Variants in ANKS1B observed in about 807,000 individuals in gnomAD.
ANKS1B encodes the protein ankyrin repeat and sterile alpha motif domain-containing protein 1B.
In ANKS1B, 36 loss-of-function variants were observed where a neutral mutation model predicts 148.3. The ratio of observed to expected loss-of-function variants is 0.24; its 90% CI spans 0.19 to 0.32. The LOEUF (loss-of-function observed/expected upper bound fraction) is 0.32, where lower values mean the gene tolerates loss of function less well. ANKS1B is among the 10% of genes least tolerant of loss of function. The pLI is 1.00. For synonymous variants in ANKS1B, 542 were observed against 560.8 expected, an observed-to-expected ratio of 0.97 and a Z score of 0.47; for missense variants, 1,157 against 1,542.6, an observed-to-expected ratio of 0.75 and a Z score of 4.19.
intron 15 of ANKS1B, among the ~76,000 whole-genome samples, chr12:99,131,246 T>A (rs1255435661): frequency 8.5e-5 from 13 of 152,230 alleles, no homozygotes; most frequent in Non-Finnish European, 7.3e-5. Context: ...CAATGAATTA[T>A]TATCTTGCAC....
chr12:99,333,035 G>C (rs2087903247), intron 12 of ANKS1B, among the ~76,000 whole-genome samples: 1 of 152,052 alleles, frequency 6.6e-6, no homozygotes, highest in Admixed American at 6.6e-5. Flanking sequence ...GCAATAACAA[G>C]ATCACGTTTG....
At chr12:99,387,435 G>C (rs148087722) in intron 12 of ANKS1B, among the ~76,000 whole-genome samples, 9 of 152,266 alleles carry the variant, frequency 5.9e-5, no homozygotes, top group South Asian at 2.1e-4. Flanking sequence ...GGCCAACATG[G>C]TGAAAGCCCA....
chr12:99,897,215 G>C (rs1165410211), intron 1 of ANKS1B, among the ~76,000 whole-genome samples: 1 of 151,098 alleles, frequency 6.6e-6, no homozygotes, highest in East Asian at 1.9e-4. Flanking sequence ...AATTGGCAGA[G>C]TAATAAAATC....
At chr12:99,977,479 CAAAT>C (rs2095643691) in intron 1 of ANKS1B, among the ~76,000 whole-genome samples, 1 of 152,172 alleles carries the variant, frequency 6.6e-6, no homozygotes, top group South Asian at 2.1e-4. Flanking sequence ...GTCACAATGA[CAAAT>C]AAATTTCAAC....
At chr12:99,368,689 T>C (rs1037862880) in intron 12 of ANKS1B, among the ~76,000 whole-genome samples, 2 of 151,984 alleles carry the variant, frequency 1.3e-5, no homozygotes, top group African/African-American at 4.8e-5. Context: ...AAATTCACAA[T>C]TTTACAGTGG....
At chr12:99,912,335 C>T (rs79440275) in intron 1 of ANKS1B, among the ~76,000 whole-genome samples, 1,600 of 148,950 alleles carry the variant, frequency 0.011, 22 homozygotes, top group African/African-American at 0.037. Flanking sequence ...CAAAGCACTA[C>T]CTAATGGTTT....
rs200785340 is a variant in ANKS1B, at chr12:98,957,300, A to AT, written c.2778+95856dup. Among the ~76,000 whole-genome samples, 220 of 148,914 alleles carry AT rather than the reference A, an allele frequency of 1.5e-3. 1 individual carries two copies. The highest frequency in any genetic ancestry group is 5.2e-3 in the African/African-American group (210 of 40,458). ...ATTCACACACAGTGGATGCTCCAGG[A>AT]TTTTTTTTAAATATTTATTTATTTA... On this transcript the variant is annotated intron_variant, in intron 17 of 26. Coordinates refer to ENST00000683438, the MANE Select transcript of ANKS1B (RefSeq NM_001352186.2).
At chr12:99,304,319 A>T (rs1036786404) in intron 12 of ANKS1B, among the ~76,000 whole-genome samples, 1 of 152,008 alleles carries the variant, frequency 6.6e-6, no homozygotes, top group South Asian at 2.1e-4. Context: ...CTTGCAGGAG[A>T]CTGTTTTAAA....
intron 9 of ANKS1B, among the ~76,000 whole-genome samples, chr12:99,646,233 G>A (rs780855029): frequency 7.2e-5 from 11 of 151,816 alleles, no homozygotes; most frequent in African/African-American, 4.8e-5. Flanking sequence ...CTTTAGGAAG[G>A]GCAGTAAAAA....
At chr12:99,646,975 T>C (rs920861392) in intron 9 of ANKS1B, among the ~76,000 whole-genome samples, 40 of 151,492 alleles carry the variant, frequency 2.6e-4, no homozygotes, top group African/African-American at 8.7e-4. Context: ...AAATTTATCA[T>C]GGCTATAGAA....
intron 12 of ANKS1B, among the ~76,000 whole-genome samples, chr12:99,394,039 C>T (rs1238506245): frequency 1.3e-5 from 2 of 152,192 alleles, no homozygotes; most frequent in Non-Finnish European, 2.9e-5. Context: ...ATTCTAAATG[C>T]ATGAACACAG....
At chr12:99,264,755 G>A (rs1175543009) in intron 12 of ANKS1B, among the ~76,000 whole-genome samples, 1 of 152,114 alleles carries the variant, frequency 6.6e-6, no homozygotes, top group African/African-American at 2.4e-5. Flanking sequence ...CCTGGGATGA[G>A]TTCTGTCAGG....
At chr12:99,494,716 G>A (rs1235694177) in intron 10 of ANKS1B, among the ~76,000 whole-genome samples, 1 of 125,492 alleles carries the variant, frequency 8.0e-6, no homozygotes. Flanking sequence ...CTAGGTGACA[G>A]AGGGACACTC....
intron 17 of ANKS1B, among the ~76,000 whole-genome samples, chr12:98,964,170 C>T (rs1051678941): frequency 2.0e-5 from 3 of 152,000 alleles, no homozygotes; most frequent in Non-Finnish European, 4.4e-5. Context: ...AAAAGACATA[C>T]AAATGACCAA....
intron 15 of ANKS1B, among the ~76,000 whole-genome samples, chr12:99,142,708 G>GT (rs2071386151): frequency 6.6e-6 from 1 of 152,072 alleles, no homozygotes; most frequent in East Asian, 1.9e-4. Context: ...TTAATTACCA[G>GT]GAAGTCAATG....
chr12:99,304,482 T>C (rs957155385), intron 12 of ANKS1B, among the ~76,000 whole-genome samples: 4 of 152,152 alleles, frequency 2.6e-5, no homozygotes, highest in African/African-American at 9.7e-5. Flanking sequence ...TCTACCGTTT[T>C]CTTTTACTAG....
At chr12:99,899,407 A>G (rs536092955) in intron 1 of ANKS1B, among the ~76,000 whole-genome samples, 27 of 152,316 alleles carry the variant, frequency 1.8e-4, no homozygotes, top group African/African-American at 6.0e-4. Flanking sequence ...TTAGTGAGGT[A>G]TGTGTTGAAA....
At chr12:99,764,363 T>C (rs933266795) in intron 8 of ANKS1B, among the ~76,000 whole-genome samples, 1 of 152,178 alleles carries the variant, frequency 6.6e-6, no homozygotes, top group Admixed American at 6.5e-5. Context: ...AGGGATAATA[T>C]ATATAGACAA....
chr12:99,430,579 A>C (rs111407712), intron 11 of ANKS1B, among the ~76,000 whole-genome samples: 3 of 152,184 alleles, frequency 2.0e-5, no homozygotes, highest in Non-Finnish European at 4.4e-5. Context: ...ATACCATTAG[A>C]GTAACATCCT....
Sources: gnomAD v4.1 joint callset for allele counts (sites outside exome capture counted in the v4.1 genomes callset) on GRCh38, gnomAD v4.1.1 for gene constraint, MANE v1.5 for transcripts, NCBI Gene and HGNC (gene_info 2026-07-23, HGNC 2026-07-21) for gene names.